Variants in MAGI2 observed in about 807,000 individuals in gnomAD.
MAGI2 encodes the protein membrane-associated guanylate kinase, WW and PDZ domain-containing protein 2.
In MAGI2, 35 loss-of-function variants were observed where a neutral mutation model predicts 133.3. That is an observed-to-expected ratio of 0.26 (90% confidence interval 0.20 to 0.35). The LOEUF (loss-of-function observed/expected upper bound fraction) is 0.35. Among genes scored for constraint, MAGI2 ranks in the 10% least tolerant of loss-of-function variants. The pLI is 1.00. For missense variants in MAGI2, 1,636 were observed against 1,863.4 expected (o/e 0.88, Z 2.25); for synonymous variants, 729 against 710.6 (o/e 1.03, Z -0.41).
intron 2 of MAGI2, among the ~76,000 whole-genome samples, chr7:78,848,867 A>T (rs183054731): frequency 1.1e-3 from 167 of 152,114 alleles, no homozygotes; most frequent in African/African-American, 3.7e-3. Flanking sequence ...TCACCTTATC[A>T]CCAAATCACT....
intron 1 of MAGI2, among the ~76,000 whole-genome samples, chr7:79,345,509 T>G (rs116697356): frequency 0.01 from 1,568 of 152,202 alleles, 29 homozygotes; most frequent in African/African-American, 0.035. Flanking sequence ...AATGCATGTA[T>G]GAACACTAGA....
At chr7:78,610,512 G>A (rs117979569) in intron 3 of MAGI2, among the ~76,000 whole-genome samples, 1,899 of 152,340 alleles carry the variant, frequency 0.012, 14 homozygotes, top group Non-Finnish European at 0.018. Context: ...CATGAGTCCT[G>A]GGGAGATGTT....
intron 21 of MAGI2, among the ~76,000 whole-genome samples, chr7:78,042,494 A>G (rs757864): frequency 0.93 from 142,228 of 152,266 alleles, 66,538 homozygotes; most frequent in East Asian, 1. Context: ...CTATTGTAGT[A>G]CAGGGTTTAA....
intron 1 of MAGI2, among the ~76,000 whole-genome samples, chr7:79,325,215 T>C (rs190789949): frequency 2.6e-5 from 4 of 152,234 alleles, no homozygotes; most frequent in African/African-American, 9.6e-5. Context: ...GACTTTAGCA[T>C]GCCACTGTCG....
intron 1 of MAGI2, among the ~76,000 whole-genome samples, chr7:79,174,555 A>G (rs554459887): frequency 6.6e-5 from 10 of 152,042 alleles, no homozygotes; most frequent in Non-Finnish European, 7.4e-5. Context: ...GAACTTGGCA[A>G]TCAATTTTTT....
intron 21 of MAGI2, chr7:78,039,671 G>C (rs1318466938): frequency 3.3e-5 from 5 of 152,176 alleles, no homozygotes; most frequent in African/African-American, 1.2e-4. Context: ...AGGCGGTTCT[G>C]TTGAATGTGC....
intron 21 of MAGI2, among the ~76,000 whole-genome samples, chr7:78,055,670 CA>C (rs1382689259): frequency 1.3e-5 from 2 of 152,162 alleles, no homozygotes; most frequent in Non-Finnish European, 2.9e-5. Flanking sequence ...CAAAATCAAT[CA>C]GGGGCAGGAC....
Position 78,112,250 on chromosome 7 carries a change from T to C in MAGI2, c.3567+13444A>G, listed in dbSNP as rs188786280. ...TTTGCATACCCAGTGCTTTTGAAGT[T>C]CTTTATTATTTACTGTTTGACCTTA... On this transcript the variant is annotated intron_variant, in intron 20 of 21. Transcript: ENST00000354212. Among the ~76,000 whole-genome samples, 30 of 152,358 alleles carry C rather than the reference T, an allele frequency of 2.0e-4. No individual in the cohort carries two copies. In the East Asian group the frequency reaches 5.0e-3, roughly 25 times the overall value.
intron 3 of MAGI2, among the ~76,000 whole-genome samples, chr7:78,536,279 AT>A (rs565011603): frequency 6.7e-6 from 1 of 149,144 alleles, no homozygotes; most frequent in African/African-American, 2.5e-5. Flanking sequence ...CGCCCGGCTA[AT>A]TTTTTGTATT....
In MAGI2 at chr7:78,019,378, C is replaced by T. The variant is rs779100328; in HGVS notation, c.4305G>A (p.Lys1435=). The change falls in exon 22 of 22, where the codon AAG becomes AAA. Residue 1435 remains lysine (K), a synonymous_variant. Transcript: ENST00000354212. ...RKAAVAPGPW[K]VPGSDKLPSV... ...TGGGCAGCTTGTCAGAACCCGGCAC[C>T]TTCCAGGGCCCCGGCGCGACGGCGG... The T allele has an allele frequency of 2.3e-6, 3 of 1,319,664 alleles. No individual in the cohort carries two copies. The highest frequency in any genetic ancestry group is 3.9e-5 in the Admixed American group (1 of 25,532). 81.7% of individuals were successfully genotyped at this position (1,319,664 alleles called of 1,614,324 possible).
intron 3 of MAGI2, among the ~76,000 whole-genome samples, chr7:78,537,640 C>G (rs1292170982): frequency 1.3e-5 from 2 of 151,988 alleles, no homozygotes; most frequent in African/African-American, 2.4e-5. Context: ...ATTTGTATAT[C>G]TTTTTGTGAG....
chr7:78,441,196 T>G (rs1787589164), intron 6 of MAGI2, among the ~76,000 whole-genome samples: 1 of 152,158 alleles, frequency 6.6e-6, no homozygotes, highest in African/African-American at 2.4e-5. Context: ...TTTCTACTTG[T>G]TTGCTTAACA....
At chr7:78,408,031 A>G (rs1233871856) in intron 6 of MAGI2, among the ~76,000 whole-genome samples, 2 of 152,116 alleles carry the variant, frequency 1.3e-5, no homozygotes. Flanking sequence ...CTGCCTTAAA[A>G]TGCAGACCAT....
intron 6 of MAGI2, among the ~76,000 whole-genome samples, chr7:78,468,626 T>C (rs1396098368): frequency 6.6e-6 from 1 of 152,138 alleles, no homozygotes; most frequent in Non-Finnish European, 1.5e-5. Context: ...CAAGTTATAA[T>C]TTTCTCTAAG....
rs544099622 is a variant in MAGI2 at position 78,856,962 on chromosome 7, C to T, written c.418+150128G>A. 6.6e-5 allele frequency among the ~76,000 whole-genome samples: 10 copies of T among 152,218 alleles called. No homozygotes were observed. In the East Asian group the frequency reaches 1.5e-3, roughly 24 times the overall value. Reference sequence around the variant, plus strand: ...GTTTGTAGTTCTCCTTGAAGAGGTCCTTCAGATCCCTTGTAAGTTGGATTC... The same window carrying T: ...GTTTGTAGTTCTCCTTGAAGAGGTCTTTCAGATCCCTTGTAAGTTGGATTC... On this transcript the variant is annotated intron_variant, in intron 2 of 21. Transcript: ENST00000354212.
intron 1 of MAGI2, among the ~76,000 whole-genome samples, chr7:79,325,568 G>T (rs1839626212): frequency 2.0e-5 from 3 of 152,122 alleles, no homozygotes; most frequent in African/African-American, 7.2e-5. Context: ...CTTTCAAGTT[G>T]TCCATATTCT....
At chr7:78,352,507 G>A (rs961696004) in intron 7 of MAGI2, among the ~76,000 whole-genome samples, 2 of 151,992 alleles carry the variant, frequency 1.3e-5, no homozygotes, top group South Asian at 2.1e-4. Flanking sequence ...TTCTATAAAC[G>A]TCCATTCATT....
At chr7:79,097,271 G>C (rs1415140139) in intron 1 of MAGI2, among the ~76,000 whole-genome samples, 1 of 152,166 alleles carries the variant, frequency 6.6e-6, no homozygotes, top group East Asian at 1.9e-4. Context: ...TCAGTACAAA[G>C]AGAAACTGGC....
intron 2 of MAGI2, among the ~76,000 whole-genome samples, chr7:78,992,944 C>G (rs1241037190): frequency 6.6e-6 from 1 of 151,854 alleles, no homozygotes; most frequent in Non-Finnish European, 1.5e-5. Context: ...TTTCTTGCTC[C>G]AAATTTAAAT....
Sources: gnomAD v4.1 joint callset for allele counts (sites outside exome capture counted in the v4.1 genomes callset) on GRCh38, gnomAD v4.1.1 for gene constraint, MANE v1.5 for transcripts, NCBI Gene and HGNC (gene_info 2026-07-23, HGNC 2026-07-21) for gene names.